SLC38A6: variants seen among roughly 807,000 people sequenced by gnomAD.
SLC38A6 encodes N system amino acid transporter NAT-1.
SLC38A6 carries 73 observed loss-of-function variants against 65.0 expected under a neutral mutation model. That is an observed-to-expected ratio of 1.12 (90% CI 0.93 to 1.37). The LOEUF is 1.37. Ranked by LOEUF, SLC38A6 falls within the 40% of genes most tolerant of loss-of-function variation. The pLI, the probability that SLC38A6 is intolerant of heterozygous loss-of-function variation, is 0.00. For synonymous variants in SLC38A6, 183 were observed against 178.8 expected, an observed-to-expected ratio of 1.02 and a Z score of -0.19; for missense variants, 561 against 531.1, an observed-to-expected ratio of 1.06 and a Z score of -0.55.
intron 15 of SLC38A6, among the ~76,000 whole-genome samples, chr14:61,067,199 T>C (rs1187783129): frequency 1.3e-5 from 2 of 152,226 alleles, no homozygotes; most frequent in Non-Finnish European, 2.9e-5. Context: ...TTGGACAAGT[T>C]ACTATTCTCT....
chr14:60,993,214 C>T lies in SLC38A6; in HGVS notation c.310+8411C>T, dbSNP rs371860922. ...AAGAGATTTGCATGTATTATTCTCA[C>T]AATAGCAATGTGAGGTAGAAATTGT... is the stretch of plus-strand genomic sequence containing the variant. On this transcript the variant is annotated intron_variant, in intron 3 of 15. Transcript: ENST00000267488. Among the ~76,000 whole-genome samples, 8 of 152,102 alleles carry T rather than the reference C, an allele frequency of 5.3e-5. No homozygotes were observed. In the East Asian group the frequency reaches 7.7e-4, roughly 15 times the overall value.
intron 15 of SLC38A6, among the ~76,000 whole-genome samples, chr14:61,064,503 A>G (rs2042960752): frequency 6.6e-6 from 1 of 151,234 alleles, no homozygotes; most frequent in African/African-American, 2.4e-5. Context: ...ACTGCACAAA[A>G]CTTAGTAGCA....
chr14:61,032,912 G>C (rs1433539834), intron 6 of SLC38A6, among the ~76,000 whole-genome samples: 1 of 151,372 alleles, frequency 6.6e-6, no homozygotes, highest in African/African-American at 2.4e-5. Flanking sequence ...TAATTTTCTG[G>C]GTTATCTGCG....
At chr14:60,996,199 A>G (rs2038284795) in intron 3 of SLC38A6, among the ~76,000 whole-genome samples, 1 of 152,222 alleles carries the variant, frequency 6.6e-6, no homozygotes, top group South Asian at 2.1e-4. Context: ...TCCTAAAATT[A>G]TTAAAGAAAA....
intron 6 of SLC38A6, among the ~76,000 whole-genome samples, chr14:61,036,599 TAAATA>T (rs1047428506): frequency 7.0e-4 from 106 of 152,332 alleles, no homozygotes; most frequent in Admixed American, 6.3e-3. Flanking sequence ...CTACGGAACT[TAAATA>T]AAATAAAAAT....
At chr14:60,986,529 T>C (rs1351191945) in intron 3 of SLC38A6, among the ~76,000 whole-genome samples, 2 of 152,206 alleles carry the variant, frequency 1.3e-5, no homozygotes, top group African/African-American at 4.8e-5. Context: ...TCAAGGGGCT[T>C]GGGTGAATGT....
chr14:61,021,247 GTACCTTAAA>G (rs1297793113), intron 5 of SLC38A6, among the ~76,000 whole-genome samples: 2 of 152,116 alleles, frequency 1.3e-5, no homozygotes, highest in Non-Finnish European at 2.9e-5. Context: ...CTCTTTCTAA[GTACCTTAAA>G]TATTCTAGAT....
chr14:61,054,361 T>A (rs573611178), downstream of SLC38A6, among the ~76,000 whole-genome samples: 1 of 152,304 alleles, frequency 6.6e-6, no homozygotes, highest in Non-Finnish European at 1.5e-5. Context: ...ATTCAGGCCC[T>A]TTTTTGGTTC....
chr14:61,082,173 A>T (rs72723955), intron 16 of SLC38A6, among the ~76,000 whole-genome samples: 19,449 of 151,920 alleles, frequency 0.13, 1,375 homozygotes, highest in Non-Finnish European at 0.15. Context: ...CACCACCCTC[A>T]CCTAAAACAT....
At chr14:61,067,326 C>T (rs191815107) in intron 15 of SLC38A6, among the ~76,000 whole-genome samples, 4 of 152,182 alleles carry the variant, frequency 2.6e-5, no homozygotes, top group Non-Finnish European at 4.4e-5. Context: ...ATTGAATATA[C>T]GTACACTTTT....
intron 15 of SLC38A6, among the ~76,000 whole-genome samples, chr14:61,073,351 C>T (rs1457450025): frequency 6.6e-6 from 1 of 152,126 alleles, no homozygotes; most frequent in Non-Finnish European, 1.5e-5. Context: ...ATTAAACCTA[C>T]TGAGGAAGGT....
At chr14:61,068,816 C>G (rs1406987120) in intron 15 of SLC38A6, among the ~76,000 whole-genome samples, 2 of 152,182 alleles carry the variant, frequency 1.3e-5, no homozygotes, top group Non-Finnish European at 2.9e-5. Flanking sequence ...TAGGACAGTG[C>G]CTGGTACTTT....
chr14:61,033,578 T>C (rs1424525371), intron 6 of SLC38A6, among the ~76,000 whole-genome samples: 4 of 152,154 alleles, frequency 2.6e-5, no homozygotes, highest in Non-Finnish European at 4.4e-5. Context: ...ATGTATTTAA[T>C]ATGTACTTTT....
intron 15 of SLC38A6, among the ~76,000 whole-genome samples, chr14:61,068,917 GTTC>G (rs1432208592): frequency 1.3e-5 from 2 of 152,160 alleles, no homozygotes; most frequent in Admixed American, 1.3e-4. Flanking sequence ...CACAATGTCA[GTTC>G]TTCTTTGAAA....
chr14:61,018,963 C>G (rs745910122), intron 4 of SLC38A6, among the ~76,000 whole-genome samples: 14 of 152,134 alleles, frequency 9.2e-5, no homozygotes, highest in African/African-American at 1.2e-4. Flanking sequence ...ACAGTTCTTG[C>G]CAACTCCCAT....
In SLC38A6 at chr14:61,030,430, T is replaced by C. The variant is rs2139662057; in HGVS notation, c.404-15T>C. Reference sequence around the variant, plus strand: ...TCATAGAATTCTAATAGGAACACTATTTATTCTTTTGCAGCTATGTCATCT... The same window carrying C: ...TCATAGAATTCTAATAGGAACACTACTTATTCTTTTGCAGCTATGTCATCT... On this transcript the variant is annotated splice_polypyrimidine_tract_variant and intron_variant, in intron 5 of 15. Transcript: ENST00000267488. 3.8e-6 allele frequency: 6 copies of C among 1,578,474 alleles called. No individual in the cohort carries two copies. Among genetic ancestry groups the C allele is most frequent in the Non-Finnish European group, 5.2e-6 (6 of 1,158,430 alleles).
intron 10 of SLC38A6, among the ~76,000 whole-genome samples, chr14:61,044,540 G>T (rs1336942791): frequency 6.6e-6 from 1 of 152,080 alleles, no homozygotes; most frequent in East Asian, 1.9e-4. Flanking sequence ...AAGACTCTAG[G>T]CATTATGTCC....
intron 12 of SLC38A6, 89 bp from the exon 13 acceptor site, chr14:61,050,423 G>T: frequency 1.2e-6 from 1 of 842,274 alleles, no homozygotes. Flanking sequence ...TCTAAAATCT[G>T]TTATCATCCA....
chr14:61,081,670 C>T (rs985856585), intron 16 of SLC38A6, among the ~76,000 whole-genome samples: 19 of 151,876 alleles, frequency 1.3e-4, no homozygotes, highest in South Asian at 4.2e-4. Flanking sequence ...GGCGACAGAG[C>T]GAGACTCTGT....
Sources: allele counts gnomAD v4.1 joint callset (sites outside exome capture counted in the v4.1 genomes callset), GRCh38; gene constraint gnomAD v4.1.1; transcripts MANE v1.5; gene names NCBI Gene and HGNC (gene_info 2026-07-23, HGNC 2026-07-21).